The following CSMD3 variants were observed in gnomAD, a reference collection of about 807,000 sequenced individuals.
CSMD3 encodes the protein CUB and sushi domain-containing protein 3.
A neutral mutation model predicts 435.2 loss-of-function variants in CSMD3; 177 were observed. The ratio of observed to expected loss-of-function variants is 0.41; its 90% CI spans 0.36 to 0.46. The LOEUF (loss-of-function observed/expected upper bound fraction) is 0.46. Ranked by LOEUF, CSMD3 falls within the 20% of genes least tolerant of loss-of-function variation. CSMD3 has a pLI of 0.34. For missense variants in CSMD3, 4,265 were observed against 4,504.6 expected (o/e 0.95, Z 1.52); for synonymous variants, 1,656 against 1,520.5 (o/e 1.09, Z -2.07).
At chr8:112,497,736 T>C (rs1821506596) in intron 30 of CSMD3, among the ~76,000 whole-genome samples, 1 of 151,988 alleles carries the variant, frequency 6.6e-6, no homozygotes, top group Admixed American at 6.6e-5. Flanking sequence ...CAATGATCAT[T>C]ATAAACATCA....
At chr8:113,414,301 T>C (rs191007711) in intron 1 of CSMD3, among the ~76,000 whole-genome samples, 8 of 152,320 alleles carry the variant, frequency 5.3e-5, no homozygotes, top group African/African-American at 1.9e-4. Flanking sequence ...AATACAACTT[T>C]ATTATTTTGG....
intron 59 of CSMD3, among the ~76,000 whole-genome samples, chr8:112,270,397 T>TGTGTGTGTGTGTG (rs1817411985): frequency 1.6e-5 from 2 of 127,256 alleles, no homozygotes. Flanking sequence ...TGTGTGTGTG[T>TGTGTGTGTGTGTG]TACTGCTGGA....
intron 50 of CSMD3, chr8:112,310,645 T>C (rs1421159602): frequency 7.9e-6 from 3 of 381,336 alleles, no homozygotes; most frequent in Middle Eastern, 8.8e-4. Context: ...ATTACCTCTC[T>C]GCAGACTTCA....
intron 13 of CSMD3, among the ~76,000 whole-genome samples, chr8:112,760,617 A>C (rs2077814518): frequency 6.6e-6 from 1 of 152,180 alleles, no homozygotes; most frequent in South Asian, 2.1e-4. Flanking sequence ...CATTGCTTGG[A>C]TGCAATCAGT....
At chr8:112,682,702 T>C (rs924905300) in intron 15 of CSMD3, 66 bp from the exon 16 acceptor site, 2 of 1,118,430 alleles carry the variant, frequency 1.8e-6, no homozygotes, top group Non-Finnish European at 2.7e-6. Flanking sequence ...GATCCTTCTA[T>C]ATTTTGGAAA....
intron 10 of CSMD3, among the ~76,000 whole-genome samples, chr8:112,882,708 T>C (rs116745633): frequency 4.6e-5 from 7 of 152,156 alleles, no homozygotes; most frequent in East Asian, 1.9e-4. Context: ...TCGGTTTACA[T>C]TGAACAAATA....
intron 13 of CSMD3, among the ~76,000 whole-genome samples, chr8:112,783,596 T>A (rs1281100188): frequency 1.3e-5 from 2 of 151,978 alleles, no homozygotes; most frequent in African/African-American, 4.8e-5. Context: ...TACTTATCAA[T>A]AATAACATTG....
At chr8:112,525,881 TATAA>T (rs1331034290) in intron 27 of CSMD3, among the ~76,000 whole-genome samples, 3 of 142,774 alleles carry the variant, frequency 2.1e-5, no homozygotes, top group African/African-American at 5.1e-5. Flanking sequence ...TTTTTATATA[TATAA>T]ATATATATAT....
Position 112,827,160 on chromosome 8 carries a change from CATAAATATATATATATATAT to C in CSMD3, c.1859+2506_1859+2525del, listed in dbSNP as rs1291550164. On this transcript the variant is annotated intron_variant, in intron 12 of 70. Coordinates refer to ENST00000297405, the MANE Select transcript of CSMD3 (RefSeq NM_198123.2). ...TTTCTTCTGTATTTTACTAGGTTAC[CATAAATATATATATATATAT>C]ATATATATATATATATATATATATA... Among the ~76,000 whole-genome samples the C allele has an allele frequency of 6.7e-3, 261 of 38,704 alleles. 13 individuals are homozygous for C. Among genetic ancestry groups the C allele is most frequent in the Admixed American group, 0.019 (40 of 2,142 alleles). 25.4% of individuals were successfully genotyped at this position (38,704 alleles called of 152,430 possible). A position where few individuals can be genotyped will look rare whatever the true frequency, so the allele number is the denominator to read the frequency against.
intron 1 of CSMD3, among the ~76,000 whole-genome samples, chr8:113,349,711 G>A (rs2094176645): frequency 1.3e-5 from 2 of 152,134 alleles, no homozygotes; most frequent in East Asian, 1.9e-4. Flanking sequence ...GTGTTATCAT[G>A]TGCCCTTAAA....
intron 35 of CSMD3, among the ~76,000 whole-genome samples, chr8:112,399,519 T>C (rs956378237): frequency 3.9e-5 from 6 of 152,170 alleles, no homozygotes; most frequent in African/African-American, 1.2e-4. Flanking sequence ...CCTCCCAAAG[T>C]ACTGGGATTA....
chr8:113,301,391 A>G (rs990332509), intron 2 of CSMD3, among the ~76,000 whole-genome samples: 2 of 152,142 alleles, frequency 1.3e-5, no homozygotes, highest in Non-Finnish European at 1.5e-5. Flanking sequence ...GTATTCTAAT[A>G]AATATATTAT....
At chr8:113,137,308 A>G (rs755505564) in intron 4 of CSMD3, among the ~76,000 whole-genome samples, 33 of 151,732 alleles carry the variant, frequency 2.2e-4, no homozygotes, top group Middle Eastern at 3.2e-3. Context: ...TATAATTGAT[A>G]TATTAGGATT....
intron 13 of CSMD3, among the ~76,000 whole-genome samples, chr8:112,691,184 G>T (rs771150907): frequency 2.0e-5 from 3 of 152,052 alleles, no homozygotes; most frequent in Non-Finnish European, 4.4e-5. Context: ...ATGTTTTAGA[G>T]ATACTATTGA....
chr8:112,511,866 C>T (rs976525371), intron 28 of CSMD3, among the ~76,000 whole-genome samples: 1 of 152,182 alleles, frequency 6.6e-6, no homozygotes, highest in African/African-American at 2.4e-5. Context: ...TCTTTGTTGT[C>T]ATTTCAACAA....
chr8:112,845,955 C>G (rs1340157550), intron 11 of CSMD3, among the ~76,000 whole-genome samples: 1 of 151,786 alleles, frequency 6.6e-6, no homozygotes, highest in Admixed American at 6.6e-5. Flanking sequence ...AGCCTGGAAA[C>G]GTAGGGGGAA....
At chr8:112,318,692 A>G in intron 47 of CSMD3, 145 bp downstream of exon 47, 4 of 630,198 alleles carry the variant, frequency 6.3e-6, no homozygotes, top group Non-Finnish European at 1.1e-5. Flanking sequence ...TCTAAATGAA[A>G]TAGCACATAT....
chr8:112,937,396 T>C (rs2083315974), intron 9 of CSMD3, among the ~76,000 whole-genome samples: 1 of 147,168 alleles, frequency 6.8e-6, no homozygotes, highest in Non-Finnish European at 1.5e-5. Context: ...TGTCGCCTAA[T>C]TTGGAGTGCA....
At chr8:112,867,485 C>T (rs1194117243) in intron 10 of CSMD3, among the ~76,000 whole-genome samples, 1 of 152,058 alleles carries the variant, frequency 6.6e-6, no homozygotes, top group Non-Finnish European at 1.5e-5. Flanking sequence ...TATTAAACAT[C>T]ATAGAGTGTG....
Sources: allele counts gnomAD v4.1 joint callset (sites outside exome capture counted in the v4.1 genomes callset), GRCh38; gene constraint gnomAD v4.1.1; transcripts MANE v1.5; gene names NCBI Gene and HGNC (gene_info 2026-07-23, HGNC 2026-07-21).